Variants in CDH13 observed in about 807,000 individuals in gnomAD.
CDH13 encodes the protein cadherin 13, also known as cadherin-13.
A neutral mutation model predicts 63.8 loss-of-function variants in CDH13; 24 were observed. The observed-to-expected ratio is 0.38, with a 90% CI of 0.27 to 0.53. The LOEUF is 0.53. Ranked by LOEUF, CDH13 falls within the 20% of genes least tolerant of loss-of-function variation. The pLI, the probability that CDH13 is intolerant of heterozygous loss-of-function variation, is 0.85. For missense variants in CDH13, 1,049 were observed against 903.1 expected, an observed-to-expected ratio of 1.16 and a Z score of -2.07; for synonymous variants, 503 against 355.3, an observed-to-expected ratio of 1.42 and a Z score of -4.67.
chr16:82,668,783 G>C (rs765251737), intron 1 of CDH13, among the ~76,000 whole-genome samples: 2 of 152,198 alleles, frequency 1.3e-5, no homozygotes, highest in African/African-American at 4.8e-5. Flanking sequence ...GCCCAGCTGA[G>C]TACCTGGGAC....
intron 7 of CDH13, among the ~76,000 whole-genome samples, chr16:83,602,107 C>CAAAAAAAAAAAAA (rs869202510): frequency 3.8e-4 from 3 of 7,958 alleles, no homozygotes; most frequent in Non-Finnish European, 5.6e-4. Context: ...AGAACAACAA[C>CAAAAAAAAAAAAA]AAAAAAAAAA....
chr16:83,029,755 T>C (rs867012192), intron 2 of CDH13, among the ~76,000 whole-genome samples: 2 of 152,220 alleles, frequency 1.3e-5, no homozygotes, highest in African/African-American at 4.8e-5. Context: ...GGACTGGTAA[T>C]GTGTCATGTT....
rs1399717197 is a variant in CDH13, at chr16:82,786,961, C to G, written c.46-71401C>G. ...GGAAGCATCCTCTACTTGTGCATGG[C>G]TTCAAACGCTTCTAAATTAACAGGA... On this transcript the variant is annotated intron_variant, in intron 1 of 13. Transcript: ENST00000567109. Among the ~76,000 whole-genome samples the G allele has an allele frequency of 2.6e-5, 4 of 152,132 alleles. No homozygotes were observed. The East Asian group carries it at 7.7e-4, about 29-fold the overall frequency.
intron 3 of CDH13, among the ~76,000 whole-genome samples, chr16:83,074,478 G>T (rs1478074334): frequency 2.0e-5 from 3 of 152,160 alleles, no homozygotes; most frequent in South Asian, 2.1e-4. Context: ...GTATCCCTTT[G>T]ATAGACTGAT....
At chr16:83,073,485 CAA>C (rs963526838) in intron 3 of CDH13, among the ~76,000 whole-genome samples, 17 of 152,162 alleles carry the variant, frequency 1.1e-4, no homozygotes, top group Admixed American at 1.1e-3. Flanking sequence ...TAACCTATCA[CAA>C]AAGTTAGGCA....
chr16:82,752,270 T>C (rs981211093), intron 1 of CDH13, among the ~76,000 whole-genome samples: 2 of 152,206 alleles, frequency 1.3e-5, no homozygotes, highest in African/African-American at 2.4e-5. Flanking sequence ...ATAGTGGATT[T>C]CTCCGGACTG....
At chr16:82,654,075 G>C (rs1244669346) in intron 1 of CDH13, among the ~76,000 whole-genome samples, 1 of 152,140 alleles carries the variant, frequency 6.6e-6, no homozygotes, top group East Asian at 1.9e-4. Flanking sequence ...ATGACATAAA[G>C]CCGCAAAAAT....
chr16:83,634,987 A>G (rs866481091), intron 8 of CDH13, among the ~76,000 whole-genome samples: 1 of 152,214 alleles, frequency 6.6e-6, no homozygotes, highest in Non-Finnish European at 1.5e-5. Flanking sequence ...TAGTTTTATA[A>G]GAAACTGCCT....
chr16:82,735,655 G>A (rs1684482212), intron 1 of CDH13, among the ~76,000 whole-genome samples: 1 of 152,222 alleles, frequency 6.6e-6, no homozygotes, highest in African/African-American at 2.4e-5. Context: ...GCTGTGTGGG[G>A]TGAAATGGAA....
At chr16:83,444,973 G>T (rs2072629983) in intron 6 of CDH13, among the ~76,000 whole-genome samples, 1 of 152,108 alleles carries the variant, frequency 6.6e-6, no homozygotes, top group African/African-American at 2.4e-5. Flanking sequence ...AGAAAGGATG[G>T]CATTGTTTAT....
intron 5 of CDH13, among the ~76,000 whole-genome samples, chr16:83,300,466 T>G (rs1444314712): frequency 6.6e-6 from 1 of 152,220 alleles, no homozygotes; most frequent in Non-Finnish European, 1.5e-5. Flanking sequence ...TATCTCAAAT[T>G]TAAAGACAAA....
intron 6 of CDH13, among the ~76,000 whole-genome samples, chr16:83,462,596 CA>C (rs544024539): frequency 2.2e-4 from 34 of 151,896 alleles, no homozygotes; most frequent in Non-Finnish European, 2.8e-4. Context: ...ATTAAAAATA[CA>C]AAAAAAATAA....
intron 13 of CDH13, among the ~76,000 whole-genome samples, chr16:83,786,748 C>T (rs371055797): frequency 1.4e-4 from 21 of 151,858 alleles, no homozygotes; most frequent in South Asian, 6.2e-4. Context: ...CCACCATGCC[C>T]GGCTAATTTT....
rs34528218 is a variant in CDH13, at chr16:82,703,206, TACACAC to T, written c.45+76089_45+76094del. ...CATACTACACACACTGGATGTATACTACACACACACACACACACACACACAATGTTA... is the reference window on the plus strand; with the variant it reads ...CATACTACACACACTGGATGTATACTACACACACACACACACACAATGTTA... On this transcript the variant is annotated intron_variant, in intron 1 of 13. Transcript: ENST00000567109. Among the ~76,000 whole-genome samples the T allele has an allele frequency of 8.1e-4, 121 of 149,514 alleles. 1 individual carries two copies. The highest frequency in any genetic ancestry group is 2.4e-3 in the African/African-American group (98 of 40,894).
At chr16:83,654,120 G>C (rs1324859532) in intron 8 of CDH13, among the ~76,000 whole-genome samples, 2 of 152,138 alleles carry the variant, frequency 1.3e-5, no homozygotes, top group Admixed American at 1.3e-4. Context: ...GAGGATAAAA[G>C]TGTGGATAGA....
chr16:82,684,752 A>G (rs1914891179), intron 1 of CDH13, among the ~76,000 whole-genome samples: 1 of 152,180 alleles, frequency 6.6e-6, no homozygotes, highest in African/African-American at 2.4e-5. Context: ...AAAGCACGGC[A>G]TTTGAGAATT....
chr16:83,511,316 G>T (rs912240588), intron 7 of CDH13, among the ~76,000 whole-genome samples: 5 of 152,118 alleles, frequency 3.3e-5, no homozygotes, highest in Admixed American at 6.5e-5. Context: ...ACAAAATTTA[G>T]CCAGGTGTAG....
chr16:83,067,669 G>A (rs554337450), intron 3 of CDH13, among the ~76,000 whole-genome samples: 6 of 152,226 alleles, frequency 3.9e-5, no homozygotes, highest in African/African-American at 7.2e-5. Context: ...TTATAGTCAA[G>A]GGAAACATGA....
chr16:82,985,360 A>G (rs1395655139), intron 2 of CDH13, among the ~76,000 whole-genome samples: 2 of 152,040 alleles, frequency 1.3e-5, no homozygotes, highest in East Asian at 3.9e-4. Context: ...CTGCTCAGAG[A>G]TCTTGAAGTA....
Sources: gnomAD v4.1 joint callset for allele counts (sites outside exome capture counted in the v4.1 genomes callset) on GRCh38, gnomAD v4.1.1 for gene constraint, MANE v1.5 for transcripts, NCBI Gene and HGNC (gene_info 2026-07-23, HGNC 2026-07-21) for gene names.